Variants in FAM53B observed in about 807,000 individuals in gnomAD.
The protein encoded by FAM53B is protein FAM53B.
Under a neutral mutation model 32.7 loss-of-function variants are expected in FAM53B, and 12 were observed. That is an observed-to-expected ratio of 0.37 (90% CI 0.24 to 0.59). FAM53B has a LOEUF of 0.59. Among genes scored for constraint, FAM53B ranks in the 20% least tolerant of loss-of-function variants. The pLI, the probability that FAM53B is intolerant of heterozygous loss-of-function variation, is 0.72. For synonymous variants in FAM53B, 234 were observed against 228.7 expected (o/e 1.02, Z -0.21); for missense variants, 477 against 577.7 (o/e 0.83, Z 1.79).
chr10:124,680,427 T>G (rs767179306), intron 4 of FAM53B, among the ~76,000 whole-genome samples: 1 of 152,176 alleles, frequency 6.6e-6, no homozygotes, highest in African/African-American at 2.4e-5. Context: ...CTTTTCTGGG[T>G]AGACCTCTAT....
chr10:124,674,532 A>G (rs1197944077), intron 4 of FAM53B, among the ~76,000 whole-genome samples: 4 of 152,210 alleles, frequency 2.6e-5, no homozygotes, highest in Non-Finnish European at 5.9e-5. Flanking sequence ...GCAGGGCTCC[A>G]GGCTGAGGCC....
intron 4 of FAM53B, chr10:124,667,218 T>A (rs563191195): frequency 1.8e-6 from 1 of 559,010 alleles, no homozygotes; most frequent in Non-Finnish European, 3.2e-6. Context: ...CTTACATCGA[T>A]GACATGTGGA....
At chr10:124,721,677 C>A (rs1260707562) in intron 1 of FAM53B, among the ~76,000 whole-genome samples, 1 of 152,230 alleles carries the variant, frequency 6.6e-6, no homozygotes, top group East Asian at 1.9e-4. Context: ...TTGCCTTTCA[C>A]AAGGGGGAAC....
chr10:124,688,262 C>T (rs1470792593), intron 3 of FAM53B, among the ~76,000 whole-genome samples: 7 of 152,330 alleles, frequency 4.6e-5, no homozygotes, highest in African/African-American at 1.4e-4. Context: ...ACACCAAGCC[C>T]CTGGCAGACC....
At chr10:124,660,908 A>C (rs1949626861) in intron 4 of FAM53B, among the ~76,000 whole-genome samples, 2 of 152,186 alleles carry the variant, frequency 1.3e-5, no homozygotes, top group African/African-American at 4.8e-5. Context: ...TGTACCAATA[A>C]AACTTTATTT....
chr10:124,639,427 T>A (rs1399827487), intron 4 of FAM53B, among the ~76,000 whole-genome samples: 3 of 152,180 alleles, frequency 2.0e-5, no homozygotes, highest in Admixed American at 6.5e-5. Flanking sequence ...AAATCTGCTC[T>A]GTCTAGCTGA....
At position 124,711,674 on chromosome 10, in the gene FAM53B, G is replaced by A. The variant is rs188390770; in HGVS notation, c.-174-4787C>T. 1.4e-4 allele frequency among the ~76,000 whole-genome samples: 21 copies of A among 152,308 alleles called. No individual in the cohort carries two copies. The East Asian group carries it at 3.3e-3, about 24-fold the overall frequency. On this transcript the variant is annotated intron_variant, in intron 1 of 4. Coordinates refer to ENST00000337318, the MANE Select transcript of FAM53B (RefSeq NM_014661.4). Reference sequence around the variant, plus strand: ...TGATTATACCAGGGAGACCGTGTGCGCGGGAAGGGGAGGAACGTGTGTGTG... The same window carrying A: ...TGATTATACCAGGGAGACCGTGTGCACGGGAAGGGGAGGAACGTGTGTGTG...
At chr10:124,677,334 T>C (rs1424740351) in intron 4 of FAM53B, among the ~76,000 whole-genome samples, 2 of 152,176 alleles carry the variant, frequency 1.3e-5, no homozygotes, top group Non-Finnish European at 2.9e-5. Context: ...ATGGCAGACA[T>C]TGTCATTGTG....
chr10:124,671,027 C>T (rs903387886), intron 4 of FAM53B: 18 of 410,194 alleles, frequency 4.4e-5, no homozygotes, highest in African/African-American at 3.2e-4. Context: ...GATCTCCCGC[C>T]CCGCTGGAGA....
At chr10:124,643,336 G>A (rs1252331836) in intron 4 of FAM53B, among the ~76,000 whole-genome samples, 5 of 152,260 alleles carry the variant, frequency 3.3e-5, no homozygotes, top group African/African-American at 9.6e-5. Context: ...AAGCCCAGGC[G>A]GCTCGGCAGG....
intron 3 of FAM53B, among the ~76,000 whole-genome samples, chr10:124,688,471 C>A (rs144942758): frequency 2.3e-3 from 345 of 152,326 alleles, no homozygotes; most frequent in Non-Finnish European, 3.4e-3. Flanking sequence ...CCTTTGCCTG[C>A]AGATGGGAGG....
intron 4 of FAM53B, among the ~76,000 whole-genome samples, chr10:124,664,922 G>A (rs895633914): frequency 3.9e-5 from 6 of 152,152 alleles, no homozygotes; most frequent in Admixed American, 1.3e-4. Flanking sequence ...TGGCTTTCTC[G>A]GCTCCTGATT....
chr10:124,702,594 T>C (rs2134082259), intron 2 of FAM53B, among the ~76,000 whole-genome samples: 1 of 152,254 alleles, frequency 6.6e-6, no homozygotes, highest in South Asian at 2.1e-4. Context: ...GGACTTGAAA[T>C]CTGTGACCAG....
At chr10:124,683,812 C>G (rs972217315) in intron 3 of FAM53B, among the ~76,000 whole-genome samples, 3 of 152,208 alleles carry the variant, frequency 2.0e-5, no homozygotes, top group South Asian at 2.1e-4. Context: ...TGAGATTTAA[C>G]CCATGAGTGC....
intron 1 of FAM53B, among the ~76,000 whole-genome samples, chr10:124,738,573 AC>A (rs567130124): frequency 3.3e-4 from 49 of 147,818 alleles, no homozygotes; most frequent in East Asian, 1.2e-3. Flanking sequence ...GCACACTCAC[AC>A]CCCCCCGAGA....
chr10:124,666,052 A>G (rs1484359174), intron 4 of FAM53B, among the ~76,000 whole-genome samples: 1 of 152,180 alleles, frequency 6.6e-6, no homozygotes, highest in Non-Finnish European at 1.5e-5. Context: ...TGTTCAATCA[A>G]TGCATGCTGA....
intron 1 of FAM53B, among the ~76,000 whole-genome samples, chr10:124,723,735 C>G (rs1950084331): frequency 6.6e-6 from 1 of 152,170 alleles, no homozygotes; most frequent in South Asian, 2.1e-4. Flanking sequence ...GCCTGGACAG[C>G]CCAGGCCTCT....
At chr10:124,678,377 A>G (rs185481768) in intron 4 of FAM53B, among the ~76,000 whole-genome samples, 106 of 152,324 alleles carry the variant, frequency 7.0e-4, no homozygotes, top group African/African-American at 2.5e-3. Context: ...ACACACACCC[A>G]TATGGATAGT....
At chr10:124,734,815 C>T (rs1950164200) in intron 1 of FAM53B, among the ~76,000 whole-genome samples, 1 of 152,352 alleles carries the variant, frequency 6.6e-6, no homozygotes, top group East Asian at 1.9e-4. Flanking sequence ...CAGCCCCAGA[C>T]TCATGAGGCG....
Sources: gnomAD v4.1 joint callset for allele counts (sites outside exome capture counted in the v4.1 genomes callset) on GRCh38, gnomAD v4.1.1 for gene constraint, MANE v1.5 for transcripts, NCBI Gene and HGNC (gene_info 2026-07-23, HGNC 2026-07-21) for gene names.